The following MRPL15 variants were observed in gnomAD, a reference collection of about 807,000 sequenced individuals.
MRPL15 encodes the protein large ribosomal subunit protein uL15m.
Under a neutral mutation model 28.0 loss-of-function variants are expected in MRPL15, and 24 were observed. The observed-to-expected ratio is 0.86, with a 90% CI of 0.62 to 1.21. The LOEUF is 1.21. MRPL15 is among the 50% of genes most tolerant of loss of function. MRPL15 has a pLI of 0.00. For missense variants in MRPL15, 343 were observed against 372.4 expected, an observed-to-expected ratio of 0.92 and a Z score of 0.65; for synonymous variants, 124 against 137.0, an observed-to-expected ratio of 0.90 and a Z score of 0.66.
intron 2 of MRPL15, 80 bp from the exon 3 acceptor site, chr8:54,137,188 C>T: frequency 7.1e-7 from 1 of 1,404,720 alleles, no homozygotes; most frequent in Non-Finnish European, 9.8e-7. Flanking sequence ...TGGAGGAAAA[C>T]ACAAGACAAA....
chr8:54,143,637 A>G (rs1810970221), intron 4 of MRPL15, among the ~76,000 whole-genome samples: 1 of 152,070 alleles, frequency 6.6e-6, no homozygotes, highest in African/African-American at 2.4e-5. Context: ...CAGTGGAGTG[A>G]CGTGGCACAA....
chr8:54,136,790 C>A, intron 2 of MRPL15, 125 bp downstream of exon 2: 1 of 1,171,384 alleles, frequency 8.5e-7, no homozygotes, highest in Non-Finnish European at 1.2e-6. Flanking sequence ...TGCTACTGTT[C>A]CCCTGAACCA....
rs71551976 is a variant in MRPL15 at position 54,140,574 on chromosome 8, C to CTTTTTTTTTTTTTTTTTTTTTTTT, written c.430-2072_430-2071insTTTTTTTTTTTTTTTTTTTTTTTT. On this transcript the variant is annotated intron_variant, in intron 3 of 4. Transcript: ENST00000260102. Reference sequence around the variant, plus strand: ...CCGGCCTAGAACTACATTTTCTTTTCTTTTTTTTTTTTTTTTTGAGATGGA... The same window carrying CTTTTTTTTTTTTTTTTTTTTTTTT: ...CCGGCCTAGAACTACATTTTCTTTTCTTTTTTTTTTTTTTTTTTTTTTTTTTTTTTTTTTTTTTTTTGAGATGGA... Among the ~76,000 whole-genome samples, 8 of 99,576 alleles carry CTTTTTTTTTTTTTTTTTTTTTTTT rather than the reference C, an allele frequency of 8.0e-5. 2 individuals carry two copies. In the East Asian group the frequency reaches 2.2e-3, roughly 27 times the overall value. The allele number at this position is 99,576 out of a possible 152,430, so 65.3% of individuals were successfully genotyped here. A position where few individuals can be genotyped will look rare whatever the true frequency, so the allele number is the denominator to read the frequency against.
At chr8:54,139,839 A>G (rs1810888946) in intron 3 of MRPL15, among the ~76,000 whole-genome samples, 1 of 152,192 alleles carries the variant, frequency 6.6e-6, no homozygotes. Context: ...TAAAAATGCT[A>G]TTTATACTAC....
chr8:54,140,264 T>G (rs1268820559), intron 3 of MRPL15, among the ~76,000 whole-genome samples: 1 of 152,150 alleles, frequency 6.6e-6, no homozygotes, highest in Non-Finnish European at 1.5e-5. Context: ...TTCTGTCTTT[T>G]TTATTTTTTT....
At chr8:54,139,471 C>G (rs1261273436) in intron 3 of MRPL15, among the ~76,000 whole-genome samples, 3 of 151,988 alleles carry the variant, frequency 2.0e-5, no homozygotes, top group Non-Finnish European at 4.4e-5. Context: ...AAGAGAATAC[C>G]AAATACAAGA....
At chr8:54,140,874 G>A (rs35533215) in intron 3 of MRPL15, among the ~76,000 whole-genome samples, 12,806 of 150,708 alleles carry the variant, frequency 0.085, 963 homozygotes, top group East Asian at 0.4. Flanking sequence ...GAGCCACTGC[G>A]CCCGGCCTAG....
intron 3 of MRPL15, among the ~76,000 whole-genome samples, chr8:54,138,163 C>T (rs1359122057): frequency 6.6e-6 from 1 of 151,646 alleles, no homozygotes; most frequent in African/African-American, 2.4e-5. Flanking sequence ...GCCATATTGG[C>T]CAAGCTGGTC....
intron 3 of MRPL15, among the ~76,000 whole-genome samples, 172 bp from the exon 4 acceptor site, chr8:54,142,491 C>A (rs1485728493): frequency 7.2e-5 from 11 of 152,146 alleles, no homozygotes; most frequent in Admixed American, 2.0e-4. Context: ...CGAAAATTAT[C>A]CATTCAAGTT....
At chr8:54,144,366 T>C (rs1334711332) in intron 4 of MRPL15, among the ~76,000 whole-genome samples, 1 of 152,204 alleles carries the variant, frequency 6.6e-6, no homozygotes, top group Non-Finnish European at 1.5e-5. Flanking sequence ...GAAAATTCTT[T>C]GAAAATTAAT....
At chr8:54,136,849 C>T (rs958503383) in intron 2 of MRPL15, among the ~76,000 whole-genome samples, 184 bp downstream of exon 2, 3 of 152,144 alleles carry the variant, frequency 2.0e-5, no homozygotes, top group Non-Finnish European at 2.9e-5. Flanking sequence ...AAAAGAGGCC[C>T]AGACACTGCA....
chr8:54,139,763 T>C (rs527470897), intron 3 of MRPL15, among the ~76,000 whole-genome samples: 5 of 152,262 alleles, frequency 3.3e-5, no homozygotes, highest in African/African-American at 9.6e-5. Flanking sequence ...TAGCACAAAA[T>C]TATCAATTTG....
chr8:54,141,178 AGATACT>A (rs1177142120), intron 3 of MRPL15, among the ~76,000 whole-genome samples: 3 of 152,212 alleles, frequency 2.0e-5, no homozygotes, highest in African/African-American at 7.2e-5. Context: ...TTAAGAATAC[AGATACT>A]GTGACTAAAC....
chr8:54,136,091 G>A (rs1293706420), intron 1 of MRPL15, among the ~76,000 whole-genome samples: 1 of 152,134 alleles, frequency 6.6e-6, no homozygotes, highest in Non-Finnish European at 1.5e-5. Flanking sequence ...AGGAAATTAA[G>A]GAAAAGATTT....
chr8:54,145,360 G>A (rs1233419883), intron 4 of MRPL15, among the ~76,000 whole-genome samples: 2 of 152,104 alleles, frequency 1.3e-5, no homozygotes, highest in African/African-American at 4.8e-5. Flanking sequence ...GACTACAGGT[G>A]TGTGCCACCA....
At chr8:54,142,149 T>C (rs1193969861) in intron 3 of MRPL15, among the ~76,000 whole-genome samples, 2 of 150,648 alleles carry the variant, frequency 1.3e-5, no homozygotes, top group African/African-American at 4.9e-5. Context: ...ATGCCTGGCC[T>C]TATTTTATTT....
rs191146468 is a variant in MRPL15, at chr8:54,140,833, T to C, written c.430-1830T>C. ...TTCTGACCTCGTGATCCACCCGCCTTGGCCTCCCAAAATGCTGGGATTACA... is the reference window on the plus strand; with the variant it reads ...TTCTGACCTCGTGATCCACCCGCCTCGGCCTCCCAAAATGCTGGGATTACA... On this transcript the variant is annotated intron_variant, in intron 3 of 4. Coordinates refer to ENST00000260102, the MANE Select transcript of MRPL15 (RefSeq NM_014175.4). Among the ~76,000 whole-genome samples the C allele has an allele frequency of 8.6e-3, 1,266 of 146,910 alleles. 19 individuals are homozygous for C. Among genetic ancestry groups the C allele is most frequent in the African/African-American group, 0.032 (1,196 of 37,142 alleles).
intron 4 of MRPL15, among the ~76,000 whole-genome samples, chr8:54,145,199 G>T (rs1033903643): frequency 2.0e-5 from 3 of 152,138 alleles, no homozygotes; most frequent in African/African-American, 7.2e-5. Context: ...TTACTTTGTT[G>T]TACTTTAGTT....
intron 3 of MRPL15, among the ~76,000 whole-genome samples, chr8:54,142,164 TTTTA>T (rs1479646084): frequency 6.7e-6 from 1 of 150,126 alleles, no homozygotes; most frequent in African/African-American, 2.5e-5. Flanking sequence ...TTATTTTTAT[TTTTA>T]TTTGAGACGG....
Sources: allele counts gnomAD v4.1 joint callset (sites outside exome capture counted in the v4.1 genomes callset), GRCh38; gene constraint gnomAD v4.1.1; transcripts MANE v1.5; gene names NCBI Gene and HGNC (gene_info 2026-07-23, HGNC 2026-07-21).